Variants in FARS2 observed in about 807,000 individuals in gnomAD.
FARS2 encodes phenylalanyl-tRNA synthetase 2, mitochondrial.
A neutral mutation model predicts 46.4 loss-of-function variants in FARS2; 40 were observed. That is an observed-to-expected ratio of 0.86 (90% CI 0.67 to 1.12). The LOEUF (loss-of-function observed/expected upper bound fraction) is 1.12. FARS2 is among the 50% of genes most tolerant of loss of function. FARS2 has a pLI of 0.00. For synonymous variants in FARS2, 234 were observed against 214.9 expected, an observed-to-expected ratio of 1.09 and a Z score of -0.78; for missense variants, 513 against 567.9, an observed-to-expected ratio of 0.90 and a Z score of 0.98.
intron 4 of FARS2, among the ~76,000 whole-genome samples, chr6:5,480,630 G>A (rs780693042): frequency 6.6e-6 from 1 of 152,158 alleles, no homozygotes; most frequent in Non-Finnish European, 1.5e-5. Flanking sequence ...AGCACATTTT[G>A]GGAAATTGTC....
intron 6 of FARS2, among the ~76,000 whole-genome samples, chr6:5,682,024 G>C (rs954342521): frequency 2.6e-5 from 4 of 152,150 alleles, no homozygotes; most frequent in Admixed American, 2.0e-4. Flanking sequence ...ATGTGGTTTT[G>C]GTTCTGCTAA....
intron 6 of FARS2, among the ~76,000 whole-genome samples, chr6:5,637,306 A>G (rs973511030): frequency 2.0e-5 from 3 of 152,344 alleles, no homozygotes; most frequent in South Asian, 2.1e-4. Context: ...TTAACTGGGT[A>G]AAAATAAAAG....
intron 6 of FARS2, among the ~76,000 whole-genome samples, chr6:5,658,848 C>T (rs570477537): frequency 6.6e-6 from 1 of 152,158 alleles, no homozygotes; most frequent in East Asian, 1.9e-4. Flanking sequence ...TTTCCACAGA[C>T]CCTGAAAATA....
intron 6 of FARS2, among the ~76,000 whole-genome samples, chr6:5,744,608 C>T (rs1038533626): frequency 3.3e-5 from 5 of 152,178 alleles, no homozygotes; most frequent in African/African-American, 1.2e-4. Flanking sequence ...ACATCCTCAG[C>T]AGCTTATCGG....
At chr6:5,381,386 CACACACACACACACACACAT>C (rs1423541393) in intron 2 of FARS2, among the ~76,000 whole-genome samples, 6 of 127,672 alleles carry the variant, frequency 4.7e-5, no homozygotes, top group South Asian at 2.5e-4. Context: ...CACACACACA[CACACACACACACACACACAT>C]ACACACACAC....
chr6:5,381,288 C>T (rs867575716), intron 2 of FARS2, among the ~76,000 whole-genome samples: 9 of 152,012 alleles, frequency 5.9e-5, no homozygotes, highest in Middle Eastern at 3.4e-3. Flanking sequence ...TGAGCCACCG[C>T]GCCCGGCCTA....
intron 6 of FARS2, among the ~76,000 whole-genome samples, chr6:5,681,753 G>A (rs1012943892): frequency 3.3e-5 from 5 of 152,180 alleles, no homozygotes; most frequent in African/African-American, 1.2e-4. Flanking sequence ...CTTTGTTGAA[G>A]TCTTCTCAGC....
chr6:5,731,423 C>G (rs1760615630), intron 6 of FARS2, among the ~76,000 whole-genome samples: 1 of 152,196 alleles, frequency 6.6e-6, no homozygotes. Context: ...GCCCCAGATC[C>G]TCAATCCTCT....
chr6:5,487,879 CCATGTGTGTGG>C (rs35476302), intron 4 of FARS2, among the ~76,000 whole-genome samples: 30,323 of 151,958 alleles, frequency 0.2, 3,293 homozygotes, highest in African/African-American at 0.26. Flanking sequence ...GACACATGCT[CCATGTGTGTGG>C]CATGTGGAAA....
intron 5 of FARS2, among the ~76,000 whole-genome samples, chr6:5,561,759 C>T (rs1453629942): frequency 6.6e-6 from 1 of 152,040 alleles, no homozygotes; most frequent in Non-Finnish European, 1.5e-5. Flanking sequence ...CCTAGATTCT[C>T]TCTATTACCT....
chr6:5,696,312 T>C (rs1023730924), intron 6 of FARS2, among the ~76,000 whole-genome samples: 2 of 152,246 alleles, frequency 1.3e-5, no homozygotes, highest in Admixed American at 1.3e-4. Context: ...CAAACACTAG[T>C]AGCCATTATT....
intron 4 of FARS2, among the ~76,000 whole-genome samples, chr6:5,536,178 A>G (rs1161708101): frequency 1.3e-5 from 2 of 151,742 alleles, no homozygotes; most frequent in South Asian, 2.1e-4. Flanking sequence ...CAGCCTCCCA[A>G]GTAGCTGGGA....
chr6:5,588,606 A>G (rs1369120590), intron 5 of FARS2, among the ~76,000 whole-genome samples: 2 of 152,300 alleles, frequency 1.3e-5, no homozygotes, highest in East Asian at 3.9e-4. Context: ...CTTGCTAAGA[A>G]GAAAGAAAAC....
intron 6 of FARS2, among the ~76,000 whole-genome samples, chr6:5,746,594 A>G (rs1029157719): frequency 1.4e-5 from 2 of 148,110 alleles, no homozygotes; most frequent in African/African-American, 2.5e-5. Context: ...TCCAGGTGGC[A>G]GCAGGATTTG....
chr6:5,388,037 AT>A (rs11461812), intron 2 of FARS2, among the ~76,000 whole-genome samples: 2 of 150,170 alleles, frequency 1.3e-5, no homozygotes, highest in African/African-American at 4.9e-5. Flanking sequence ...TGGTGAACCA[AT>A]TTTTTTTTTA....
chr6:5,622,777 A>G (rs747850360), intron 6 of FARS2, among the ~76,000 whole-genome samples: 1 of 152,198 alleles, frequency 6.6e-6, no homozygotes, highest in Non-Finnish European at 1.5e-5. Flanking sequence ...ATGCGTTTCT[A>G]TTGTGTATTA....
At chr6:5,265,256 T>C (rs898628320) in intron 1 of FARS2, among the ~76,000 whole-genome samples, 1 of 152,162 alleles carries the variant, frequency 6.6e-6, no homozygotes, top group Non-Finnish European at 1.5e-5. Flanking sequence ...ATGAGGAATG[T>C]GGTTAAAGAT....
chr6:5,498,112 G>A (rs1049608484), intron 4 of FARS2, among the ~76,000 whole-genome samples: 1 of 152,180 alleles, frequency 6.6e-6, no homozygotes, highest in African/African-American at 2.4e-5. Context: ...GTTGAGTTAG[G>A]CGATTTGATG....
At chr6:5,688,026 C>T (rs1219833623) in intron 6 of FARS2, among the ~76,000 whole-genome samples, 1 of 152,178 alleles carries the variant, frequency 6.6e-6, no homozygotes, top group Non-Finnish European at 1.5e-5. Flanking sequence ...CATAAGAATA[C>T]TTGTGATTTT....
Sources: allele counts gnomAD v4.1 joint callset (sites outside exome capture counted in the v4.1 genomes callset), GRCh38; gene constraint gnomAD v4.1.1; transcripts MANE v1.5; gene names NCBI Gene and HGNC (gene_info 2026-07-23, HGNC 2026-07-21).